MROH2A: variants seen among roughly 807,000 people sequenced by gnomAD.
The protein encoded by MROH2A is maestro heat-like repeat-containing protein family member 2A.
In MROH2A, 174 loss-of-function variants were observed where a neutral mutation model predicts 200.4. The ratio of observed to expected loss-of-function variants is 0.87; its 90% CI spans 0.77 to 0.98. The LOEUF is 0.98. Among genes scored for constraint, MROH2A ranks in the 50% least tolerant of loss-of-function variants. The pLI, the probability that MROH2A is intolerant of heterozygous loss-of-function variation, is 0.00. For synonymous variants in MROH2A, 829 were observed against 840.4 expected (o/e 0.99, Z 0.23); for missense variants, 2,045 against 2,139.6 (o/e 0.96, Z 0.87).
chr2:233,822,905 C>G lies in MROH2A; in HGVS notation c.3891C>G (p.Leu1297=), dbSNP rs1451333667. ...GGGTCACTATCAAGTCCATGCAGCTCTTGTTCAAGAGAGTCAAGAGCCAGC... is the reference window on the plus strand; with the variant it reads ...GGGTCACTATCAAGTCCATGCAGCTGTTGTTCAAGAGAGTCAAGAGCCAGC... ...LQRVTIKSMQ[L]LFKRVKSQHL... The change falls in exon 34 of 42, where the codon CTC becomes CTG. Residue 1297 remains leucine, a synonymous_variant. Transcript: ENST00000389758. 6.4e-7 allele frequency: 1 copy of G among 1,550,494 alleles called. No individual in the cohort carries two copies. The highest frequency in any genetic ancestry group is 2.0e-5 in the Admixed American group (1 of 50,986).
rs1272885450 is a variant in MROH2A at position 233,800,952 on chromosome 2, AAAT to A, written c.1560+647_1560+649del. 1.0e-3 allele frequency among the ~76,000 whole-genome samples: 154 copies of A among 152,278 alleles called. 10 individuals carry two copies. Among genetic ancestry groups the A allele is most frequent in the Admixed American group, 1.0e-3 (16 of 15,292 alleles). On this transcript the variant is annotated intron_variant, in intron 14 of 41. Coordinates refer to ENST00000389758, the MANE Select transcript of MROH2A (RefSeq NM_001394639.1). The stretch of plus-strand genomic sequence containing the variant: ...CAGCGACAGCTTTTTTTAATTGCAG[AAAT>A]AATAATAATCATCATCATCATCATA...
intron 26 of MROH2A, among the ~76,000 whole-genome samples, chr2:233,814,996 C>A (rs943520131): frequency 2.0e-5 from 3 of 152,182 alleles, no homozygotes; most frequent in Non-Finnish European, 4.4e-5. Flanking sequence ...AACAACAGTA[C>A]CATGATCAAA....
In MROH2A at chr2:233,792,382, G is replaced by T. The variant is rs545339133; in HGVS notation, c.572-414G>T. On this transcript the variant is annotated intron_variant, in intron 5 of 41. Transcript: ENST00000389758. ...GGCTGGAGTGCAGTGGCGCGATCTCGGCTCACTGCAAGCTCCGCCTCCCGG... is the reference window on the plus strand; with the variant it reads ...GGCTGGAGTGCAGTGGCGCGATCTCTGCTCACTGCAAGCTCCGCCTCCCGG... Among the ~76,000 whole-genome samples the T allele has an allele frequency of 3.3e-5, 5 of 149,812 alleles. No homozygotes were observed. The South Asian group carries it at 1.1e-3, about 32-fold the overall frequency.
At position 233,816,797 on chromosome 2, in the gene MROH2A, T is replaced by A. The variant is rs771087111; in HGVS notation, c.2873T>A (p.Ile958Asn). Reference protein sequence around the residue: ...QEMVQLLEKWILSEKEWEREK... With the variant: ...QEMVQLLEKWNLSEKEWEREK... ...TACCCATAGCTCCTGGAAAAGTGGA[T>A]CTTGTCGGAGAAAGAATGGGAGCGG... Residue 958 changes from isoleucine (I) to asparagine (N), a missense_variant, in exon 27 of 42, where the codon ATC becomes AAC. Physicochemically the swap from Ile to Asn is moderately radical, Grantham distance 149. Transcript: ENST00000389758. The A allele has an allele frequency of 4.5e-6, 7 of 1,550,190 alleles. No individual in the cohort carries two copies. In the South Asian group the frequency reaches 8.3e-5, roughly 18 times the overall value.
rs28900694 is a variant in MROH2A at position 233,828,986 on chromosome 2, A to G, written c.4360A>G (p.Thr1454Ala). The change falls in exon 37 of 42, where the codon ACC becomes GCC. Residue 1454 changes from threonine to alanine, a missense_variant. Thr to Ala is a moderately conservative substitution (Grantham distance 58, BLOSUM62 0). This residue lies in a region of MROH2A where 1,201 missense variants were observed against 1,311.3 expected (regional missense o/e 0.92). Coordinates refer to ENST00000389758, the MANE Select transcript of MROH2A (RefSeq NM_001394639.1). The surrounding 1 kb of genome is among the most constrained non-coding windows in gnomAD (Gnocchi z 4.6). ...GACTGCCGAGGGCATGGAGGCCCTG[A>G]CCAAGATCCTGGCTGAGCTCCGGGA... is the stretch of plus-strand genomic sequence containing the variant. ...SVTAEGMEAL[T>A]KILAELREGD... 8.7e-3 allele frequency: 13,431 copies of G among 1,550,462 alleles called. 575 individuals are homozygous for G. The African/African-American group carries it at 0.099, about 11-fold the overall frequency.
rs1289229375 is a variant in MROH2A at position 233,833,304 on chromosome 2, C to T, written c.*45C>T. 1 of 1,461,868 alleles carries T rather than the reference C, an allele frequency of 6.8e-7. No homozygotes were observed. Among genetic ancestry groups the T allele is most frequent in the Non-Finnish European group, 9.0e-7 (1 of 1,105,584 alleles). The allele number at this position is 1,461,868 out of a possible 1,614,324, so 90.6% of individuals were successfully genotyped here. A position where few individuals can be genotyped will look rare whatever the true frequency, so the allele number is the denominator to read the frequency against. ...TAAACTGTCTTCTTAGTGCCAAATG[C>T]AAGCCCTTTTTAATTTAGTTTGTAA... On this transcript the variant is annotated 3_prime_UTR_variant, in exon 42 of 42. Coordinates refer to ENST00000389758, the MANE Select transcript of MROH2A (RefSeq NM_001394639.1).
chr2:233,795,578 C>G, intron 8 of MROH2A, 75 bp from the exon 9 acceptor site: 4 of 1,548,738 alleles, frequency 2.6e-6, no homozygotes, highest in Non-Finnish European at 3.5e-6. Flanking sequence ...CAGTGGGCCC[C>G]TGAGTAGCGA....
intron 3 of MROH2A, among the ~76,000 whole-genome samples, chr2:233,787,989 C>CAT (rs1481773698): frequency 1.8e-4 from 9 of 50,252 alleles, no homozygotes; most frequent in African/African-American, 4.9e-4. Context: ...ATTATATATA[C>CAT]ATATATTATA....
chr2:233,793,745 C>A lies in MROH2A; in HGVS notation c.743C>A (p.Thr248Asn). 1 of 1,498,330 alleles carries A rather than the reference C, an allele frequency of 6.7e-7. No homozygotes were observed. The highest frequency in any genetic ancestry group is 1.3e-5 in the South Asian group (1 of 75,456). 92.8% of individuals were successfully genotyped at this position (1,498,330 alleles called of 1,614,324 possible). ...HLEESVYPVM[T>N]EEEFALKVFP... ...GAGGAGAGCGTGTACCCCGTGATGA[C>A]TGAGGAGGAGTTTGCCCTGAAGGTG... The change falls in exon 7 of 42, where the codon ACT becomes AAT. Residue 248 changes from threonine to asparagine, a missense_variant. By Grantham distance (65) the Thr-to-Asn change is moderately conservative. Around this residue, in one of 3 missense-constraint regions of MROH2A, gnomAD observed 831 missense variants for 800.0 expected, o/e 1.04. Coordinates refer to ENST00000389758, the MANE Select transcript of MROH2A (RefSeq NM_001394639.1).
intron 3 of MROH2A, among the ~76,000 whole-genome samples, chr2:233,781,130 C>G (rs1700937730): frequency 6.6e-6 from 1 of 152,180 alleles, no homozygotes; most frequent in Non-Finnish European, 1.5e-5. Context: ...TTTATCCCTT[C>G]ATACATTGAT....
intron 9 of MROH2A, 40 bp from the exon 10 acceptor site, chr2:233,795,927 C>T: frequency 6.5e-7 from 1 of 1,545,080 alleles, no homozygotes; most frequent in Non-Finnish European, 8.7e-7. Context: ...CACCTGTGTC[C>T]CTGTGATCTC....
At chr2:233,819,013 T>C (rs1296193195) in intron 29 of MROH2A, among the ~76,000 whole-genome samples, 1 of 152,224 alleles carries the variant, frequency 6.6e-6, no homozygotes, top group African/African-American at 2.4e-5. Context: ...CCTGTCCCTG[T>C]GATGTGCCAC....
chr2:233,796,339 GGGCGGGGAGGGTGGGGTA>G lies in MROH2A; in HGVS notation c.1252+30_1252+47del, dbSNP rs943499109. ...GTGAGCAAGGCAGGGTGGGTGGGGT[GGGCGGGGAGGGTGGGGTA>G]GGCAGGGTGGAGAACAAGGGAGGCA... On this transcript the variant is annotated intron_variant, in intron 11 of 41. Coordinates refer to ENST00000389758, the MANE Select transcript of MROH2A (RefSeq NM_001394639.1). The G allele has an allele frequency of 1.7e-4, 61 of 359,738 alleles. No homozygotes were observed. In the Admixed American group the frequency reaches 2.3e-3, roughly 13 times the overall value. The allele number at this position is 359,738 out of a possible 1,614,324, so 22.3% of individuals were successfully genotyped here. A position where few individuals can be genotyped will look rare whatever the true frequency, so the allele number is the denominator to read the frequency against.
chr2:233,802,176 G>A lies in MROH2A; in HGVS notation c.1569G>A (p.Trp523Ter). 1.3e-6 allele frequency: 2 copies of A among 1,548,990 alleles called. No individual in the cohort carries two copies. Among genetic ancestry groups the A allele is most frequent in the Non-Finnish European group, 1.7e-6 (2 of 1,145,888 alleles). ...SSVSGMTTEFWVRLLCYIMET... is the reference protein window; with the variant it reads ...SSVSGMTTEF Reference sequence around the variant, plus strand: ...TCCCACCCCTACCCCAGGAGTTTTGGGTGAGGCTGCTGTGCTACATCATGG... The same window carrying A: ...TCCCACCCCTACCCCAGGAGTTTTGAGTGAGGCTGCTGTGCTACATCATGG... The change falls in exon 15 of 42, where the codon TGG (tryptophan) becomes TGA (stop). Residue 523 changes from tryptophan (W) to a stop codon, truncating the protein, a stop_gained. Transcript: ENST00000389758. LOFTEE classifies it high-confidence loss of function.
intron 38 of MROH2A, 137 bp from the exon 39 acceptor site, chr2:233,831,272 C>T: frequency 1.7e-6 from 2 of 1,158,328 alleles, no homozygotes; most frequent in Non-Finnish European, 2.3e-6. Context: ...GGTGGCCTCC[C>T]AGGAGCCACC....
In MROH2A at chr2:233,828,803, A is replaced by G; in HGVS notation, c.4263+24A>G. On this transcript the variant is annotated intron_variant, in intron 36 of 41. Transcript: ENST00000389758. The surrounding 1 kb of genome is among the most constrained non-coding windows in gnomAD (Gnocchi z 4.6). ...AGGTACTGTGCCTGGCCCTGGGCCC[A>G]GGTCCCGGGAGCTGAGGGTGCAGGC... 6.5e-7 allele frequency: 1 copy of G among 1,548,930 alleles called. No homozygotes were observed. The highest frequency in any genetic ancestry group is 8.7e-7 in the Non-Finnish European group (1 of 1,146,004).
chr2:233,781,615 T>G (rs566880710), intron 3 of MROH2A, among the ~76,000 whole-genome samples: 1 of 152,300 alleles, frequency 6.6e-6, no homozygotes, highest in East Asian at 1.9e-4. Context: ...GAGCTCCTTG[T>G]GTATTCTGGT....
rs1704486753 is a variant in MROH2A at position 233,828,627 on chromosome 2, C to T, written c.4114-3C>T. 1.3e-6 allele frequency: 2 copies of T among 1,550,500 alleles called. No individual in the cohort carries two copies. The highest frequency in any genetic ancestry group is 1.4e-5 in the African/African-American group (1 of 73,160). ...GATAACTGCCCAATGTCCTCCCTTC[C>T]AGTTCATGAGCGGCCCAGTTCTGTA... On this transcript the variant is annotated splice_region_variant and splice_polypyrimidine_tract_variant and intron_variant, in intron 35 of 41. Transcript: ENST00000389758. The surrounding 1 kb of genome is among the most constrained non-coding windows in gnomAD (Gnocchi z 4.6).
Position 233,789,502 on chromosome 2 carries a change from C to T in MROH2A, c.282C>T (p.Ser94=), listed in dbSNP as rs1472546403. 3 of 1,420,272 alleles carry T rather than the reference C, an allele frequency of 2.1e-6. No individual in the cohort carries two copies. Among genetic ancestry groups the T allele is most frequent in the Non-Finnish European group, 1.8e-6 (2 of 1,082,346 alleles). The allele number at this position is 1,420,272 out of a possible 1,614,324, so 88.0% of individuals were successfully genotyped here. ...LIRCLQVPEI[S]TQRKVNIYNI... is the part of the protein sequence containing the mutation. ...CCACCATACTTGTTTCCCAGATTTC[C>T]ACCCAGCGCAAGGTCAACATTTACA... Residue 94 remains serine, a synonymous_variant, in exon 4 of 42, where the codon TCC becomes TCT. Transcript: ENST00000389758.
Sources: gnomAD v4.1 joint callset for allele counts (sites outside exome capture counted in the v4.1 genomes callset) on GRCh38, gnomAD v4.1.1 for gene constraint, gnomAD v4.1.1 regional missense constraint, Gnocchi (gnomAD v3.1) non-coding constraint, MANE v1.5 for transcripts, NCBI Gene and HGNC (gene_info 2026-07-23, HGNC 2026-07-21) for gene names.